ATP11B: variants seen among roughly 807,000 people sequenced by gnomAD.
The protein encoded by ATP11B is phospholipid-transporting ATPase IF.
Under a neutral mutation model 157.8 loss-of-function variants are expected in ATP11B, and 81 were observed. The ratio of observed to expected loss-of-function variants is 0.51; its 90% CI spans 0.43 to 0.62. ATP11B has a LOEUF of 0.62. ATP11B is among the 20% of genes least tolerant of loss of function. The pLI is 0.00. For missense variants in ATP11B, 1,165 were observed against 1,402.2 expected (o/e 0.83, Z 2.70); for synonymous variants, 451 against 469.4 (o/e 0.96, Z 0.51).
In ATP11B at chr3:182,897,283, A is replaced by G; in HGVS notation, c.3049-20A>G. The stretch of plus-strand genomic sequence containing the variant: ...GCTTTATTTGTTTATATTTCTAAGG[A>G]TATAAAAACTTTTTTTTAGATGGCT... On this transcript the variant is annotated intron_variant, in intron 26 of 29. Transcript: ENST00000323116. 1.4e-6 allele frequency: 2 copies of G among 1,394,476 alleles called. No homozygotes were observed. Among genetic ancestry groups the G allele is most frequent in the South Asian group, 1.3e-5 (1 of 75,458 alleles). 86.4% of individuals were successfully genotyped at this position (1,394,476 alleles called of 1,614,324 possible). A position where few individuals can be genotyped will look rare whatever the true frequency, so the allele number is the denominator to read the frequency against.
chr3:182,835,010 A>G (rs567735898), intron 4 of ATP11B, among the ~76,000 whole-genome samples: 10 of 152,336 alleles, frequency 6.6e-5, no homozygotes, highest in East Asian at 1.9e-4. Flanking sequence ...AAGGAAGACA[A>G]TATATTTACT....
At chr3:182,809,693 C>T (rs1052709976) in intron 1 of ATP11B, among the ~76,000 whole-genome samples, 1 of 152,172 alleles carries the variant, frequency 6.6e-6, no homozygotes, top group Non-Finnish European at 1.5e-5. Flanking sequence ...TGTTAGATAT[C>T]CATGCTAGTT....
intron 13 of ATP11B, 129 bp downstream of exon 13, chr3:182,865,827 A>G (rs935345675): frequency 4.2e-6 from 3 of 709,814 alleles, no homozygotes; most frequent in African/African-American, 1.8e-5. Flanking sequence ...CATATATTTG[A>G]TTCAACAATA....
intron 1 of ATP11B, among the ~76,000 whole-genome samples, chr3:182,816,520 T>C (rs1267043318): frequency 6.6e-6 from 1 of 152,236 alleles, no homozygotes; most frequent in African/African-American, 2.4e-5. Context: ...AGAAATAGTG[T>C]GAAACTATGC....
intron 14 of ATP11B, 131 bp from the exon 15 acceptor site, chr3:182,867,245 A>G (rs1052817069): frequency 1.5e-6 from 1 of 656,360 alleles, no homozygotes; most frequent in African/African-American, 1.9e-5. Context: ...TTGTAATATT[A>G]AAAGGAAATA....
chr3:182,816,452 TAG>T (rs1002394702), intron 1 of ATP11B, among the ~76,000 whole-genome samples: 9 of 152,348 alleles, frequency 5.9e-5, no homozygotes, highest in South Asian at 2.1e-4. Flanking sequence ...ACCTAGTAAT[TAG>T]AGAGTTCAGA....
intron 2 of ATP11B, among the ~76,000 whole-genome samples, chr3:182,825,756 C>T (rs886444640): frequency 6.7e-6 from 1 of 150,340 alleles, no homozygotes; most frequent in East Asian, 2.0e-4. Flanking sequence ...AAAAATTAGC[C>T]AGGTGTGGTG....
intron 3 of ATP11B, among the ~76,000 whole-genome samples, chr3:182,828,926 T>C (rs1717920402): frequency 6.6e-6 from 1 of 152,140 alleles, no homozygotes; most frequent in Non-Finnish European, 1.5e-5. Context: ...TCTGAACTCT[T>C]CTCTCAGTAG....
intron 2 of ATP11B, among the ~76,000 whole-genome samples, chr3:182,826,910 G>A (rs181109550): frequency 1.1e-4 from 16 of 152,248 alleles, no homozygotes; most frequent in African/African-American, 3.6e-4. Flanking sequence ...ACTAGGTAAC[G>A]TAAAGTACCT....
rs1031124570 is a variant in ATP11B, at chr3:182,898,891, T to G, written c.3318+119T>G. 4.2e-5 allele frequency: 27 copies of G among 641,834 alleles called. No homozygotes were observed. The Admixed American group carries it at 5.3e-4, about 13-fold the overall frequency. 39.8% of individuals were successfully genotyped at this position (641,834 alleles called of 1,614,324 possible). A position where few individuals can be genotyped will look rare whatever the true frequency, so the allele number is the denominator to read the frequency against. ...GGAAATTAGCCATTCCTGTTTCAAC[T>G]ATTTTGTAACATAAACATTGTTCAG... On this transcript the variant is annotated intron_variant, in intron 28 of 29. Transcript: ENST00000323116.
chr3:182,849,277 G>A (rs1363820884), intron 10 of ATP11B, among the ~76,000 whole-genome samples: 1 of 152,162 alleles, frequency 6.6e-6, no homozygotes, highest in South Asian at 2.1e-4. Context: ...ACAGTTTGTT[G>A]AACTAGGTGA....
At chr3:182,916,151 T>C in intron 29 of ATP11B, 2 of 985,370 alleles carry the variant, frequency 2.0e-6, no homozygotes, top group Non-Finnish European at 2.4e-6. Context: ...AAAGTCATTT[T>C]GATACATAGA....
chr3:182,826,075 AAATT>A (rs1717700294), intron 2 of ATP11B, among the ~76,000 whole-genome samples: 2 of 152,202 alleles, frequency 1.3e-5, no homozygotes. Context: ...AAAGCATAAT[AAATT>A]ATTTTCTTAG....
chr3:182,850,073 C>T (rs936184741), intron 10 of ATP11B, among the ~76,000 whole-genome samples: 5 of 152,112 alleles, frequency 3.3e-5, no homozygotes, highest in Admixed American at 6.5e-5. Context: ...TCAGAAACAA[C>T]GGAGGACATT....
intron 2 of ATP11B, among the ~76,000 whole-genome samples, chr3:182,821,560 T>A (rs1469542725): frequency 6.6e-6 from 1 of 152,220 alleles, no homozygotes; most frequent in Non-Finnish European, 1.5e-5. Flanking sequence ...TTTTAAGTTG[T>A]CTTAGGTTAT....
chr3:182,869,112 G>T lies in ATP11B; in HGVS notation c.1723G>T (p.Asp575Tyr), dbSNP rs558677454. Residue 575 changes from aspartate (D) to tyrosine (Y), a missense_variant, in exon 16 of 30, where the codon GAT becomes TAT. Asp to Tyr is a radical substitution (Grantham distance 160). This residue lies in a region of ATP11B where 737 missense variants were observed against 930.5 expected (regional missense o/e 0.79). Coordinates refer to ENST00000323116, the MANE Select transcript of ATP11B (RefSeq NM_014616.3). ...KLLHILEFDSDRRRMSVIVQA... is the reference protein window; with the variant it reads ...KLLHILEFDSYRRRMSVIVQA... ...GCTTCATATTCTGGAATTTGATTCA[G>T]ATCGTAGGAGAATGAGTGTAATTGT... 1 of 1,611,406 alleles carries T rather than the reference G, an allele frequency of 6.2e-7. No individual in the cohort carries two copies. Among genetic ancestry groups the T allele is most frequent in the African/African-American group, 1.3e-5 (1 of 74,968 alleles).
chr3:182,881,397 A>T (rs1577069292), intron 21 of ATP11B, among the ~76,000 whole-genome samples: 1 of 151,818 alleles, frequency 6.6e-6, no homozygotes, highest in African/African-American at 2.4e-5. Flanking sequence ...CTGAGGCAGG[A>T]GAATTGCTTG....
At chr3:182,896,345 T>C (rs1026204809) in intron 25 of ATP11B, among the ~76,000 whole-genome samples, 1 of 152,184 alleles carries the variant, frequency 6.6e-6, no homozygotes, top group African/African-American at 2.4e-5. Context: ...TTTCTGAAAA[T>C]ACTTGTGATT....
At chr3:182,904,759 GGCGCCTGTAACCCCA>G (rs1307171386) in intron 28 of ATP11B, among the ~76,000 whole-genome samples, 1 of 151,916 alleles carries the variant, frequency 6.6e-6, no homozygotes, top group African/African-American at 2.4e-5. Flanking sequence ...TGTGGTGGCA[GGCGCCTGTAACCCCA>G]GCTACTCAAG....
Sources: gnomAD v4.1 joint callset for allele counts (sites outside exome capture counted in the v4.1 genomes callset) on GRCh38, gnomAD v4.1.1 for gene constraint, gnomAD v4.1.1 regional missense constraint, MANE v1.5 for transcripts, NCBI Gene and HGNC (gene_info 2026-07-23, HGNC 2026-07-21) for gene names.